The following TAFA1 variants were observed in gnomAD, a reference collection of about 807,000 sequenced individuals.
TAFA1 encodes TAFA chemokine like family member 1, also known as chemokine-like protein TAFA-1.
In TAFA1, 4 loss-of-function variants were observed where a neutral mutation model predicts 18.5. The ratio of observed to expected loss-of-function variants is 0.22; its 90% CI spans 0.11 to 0.49. The LOEUF is 0.49. TAFA1 is among the 20% of genes least tolerant of loss of function. The pLI is 0.98. For missense variants in TAFA1, 147 were observed against 169.0 expected, an observed-to-expected ratio of 0.87 and a Z score of 0.72; for synonymous variants, 56 against 55.2, an observed-to-expected ratio of 1.01 and a Z score of -0.06.
At chr3:68,105,320 G>C (rs1476633068) in intron 2 of TAFA1, among the ~76,000 whole-genome samples, 1 of 152,120 alleles carries the variant, frequency 6.6e-6, no homozygotes, top group Non-Finnish European at 1.5e-5. Flanking sequence ...TAGTACCATA[G>C]AGTCCCCTAA....
At chr3:68,357,534 C>T (rs897861561) in intron 2 of TAFA1, among the ~76,000 whole-genome samples, 1 of 151,832 alleles carries the variant, frequency 6.6e-6, no homozygotes, top group Non-Finnish European at 1.5e-5. Flanking sequence ...AGGCCATTTC[C>T]ACCCCTTCTA....
chr3:68,324,690 C>T (rs1174417993), intron 2 of TAFA1, among the ~76,000 whole-genome samples: 25 of 152,148 alleles, frequency 1.6e-4, no homozygotes, highest in Non-Finnish European at 2.9e-5. Context: ...AAGAATTAAA[C>T]CTAAATCATG....
chr3:68,229,059 C>A (rs545859402), intron 2 of TAFA1, among the ~76,000 whole-genome samples: 1 of 152,156 alleles, frequency 6.6e-6, no homozygotes, highest in Non-Finnish European at 1.5e-5. Flanking sequence ...GCATCTGGCT[C>A]GACTTTTAAA....
intron 4 of TAFA1, among the ~76,000 whole-genome samples, chr3:68,542,100 G>T (rs963865141): frequency 1.3e-5 from 2 of 152,100 alleles, no homozygotes; most frequent in African/African-American, 2.4e-5. Context: ...GTGGAATTAG[G>T]CAAAGCCTTT....
At chr3:68,471,316 G>A (rs1472873406) in intron 3 of TAFA1, among the ~76,000 whole-genome samples, 1 of 152,192 alleles carries the variant, frequency 6.6e-6, no homozygotes, top group Non-Finnish European at 1.5e-5. Flanking sequence ...TCCCCACTGG[G>A]GTACTGCCTA....
chr3:68,304,782 G>C (rs73836861), intron 2 of TAFA1, among the ~76,000 whole-genome samples: 1 of 152,174 alleles, frequency 6.6e-6, no homozygotes, highest in African/African-American at 2.4e-5. Context: ...CAGTTGGTAA[G>C]AGGAAGTAAA....
chr3:68,321,204 G>A (rs1380470091), intron 2 of TAFA1, among the ~76,000 whole-genome samples: 2 of 152,124 alleles, frequency 1.3e-5, no homozygotes, highest in Non-Finnish European at 2.9e-5. Flanking sequence ...ATATACAAAA[G>A]CAATGAGAGC....
At chr3:68,282,114 G>A (rs1030755755) in intron 2 of TAFA1, among the ~76,000 whole-genome samples, 15 of 152,282 alleles carry the variant, frequency 9.9e-5, no homozygotes, top group Admixed American at 3.3e-4. Context: ...CAGATCTCAT[G>A]AGAATTCACT....
intron 2 of TAFA1, among the ~76,000 whole-genome samples, chr3:68,343,368 A>G (rs1028418595): frequency 2.0e-5 from 3 of 152,198 alleles, no homozygotes; most frequent in Non-Finnish European, 4.4e-5. Context: ...AAAAGAGAAT[A>G]ATATGTGATT....
chr3:68,248,040 C>A (rs774757785), intron 2 of TAFA1, among the ~76,000 whole-genome samples: 20 of 152,128 alleles, frequency 1.3e-4, no homozygotes, highest in Non-Finnish European at 1.8e-4. Flanking sequence ...TAGGTGTGAC[C>A]TCACTTAGAG....
chr3:68,211,515 G>A (rs1388263465), intron 2 of TAFA1, among the ~76,000 whole-genome samples: 1 of 152,070 alleles, frequency 6.6e-6, no homozygotes, highest in Admixed American at 6.6e-5. Flanking sequence ...TGGTGATTGA[G>A]ATAGACAGAA....
rs560161804 is a variant in TAFA1 at position 68,025,960 on chromosome 3, G to A, written c.118+19216G>A. On this transcript the variant is annotated intron_variant, in intron 2 of 4. Transcript: ENST00000478136. The stretch of plus-strand genomic sequence containing the variant: ...GGAATGTAAGTTCCACGAAGGCAGG[G>A]ATTGTCATCAGTTTTGATCCCTGTT... Among the ~76,000 whole-genome samples, 23 of 152,236 alleles carry A rather than the reference G, an allele frequency of 1.5e-4. 1 individual carries two copies. In the South Asian group the frequency reaches 2.7e-3, roughly 18 times the overall value.
At chr3:68,285,013 A>C (rs530681770) in intron 2 of TAFA1, among the ~76,000 whole-genome samples, 4 of 152,266 alleles carry the variant, frequency 2.6e-5, no homozygotes, top group Middle Eastern at 3.4e-3. Flanking sequence ...ACTTGAGCCC[A>C]GGAGTTAGAG....
chr3:68,074,719 T>G (rs570425273), intron 2 of TAFA1, among the ~76,000 whole-genome samples: 2 of 152,282 alleles, frequency 1.3e-5, no homozygotes, highest in South Asian at 4.1e-4. Flanking sequence ...AGAGCTGAAA[T>G]TCATATCAGG....
At chr3:68,109,921 T>A (rs2065244939) in intron 2 of TAFA1, among the ~76,000 whole-genome samples, 1 of 152,210 alleles carries the variant, frequency 6.6e-6, no homozygotes, top group Non-Finnish European at 1.5e-5. Flanking sequence ...CAGAGCCTCA[T>A]AATATGATTC....
rs1001822371 is a variant in TAFA1 at position 68,381,967 on chromosome 3, CT to C, written c.119-35308del. On this transcript the variant is annotated intron_variant, in intron 2 of 4. Coordinates refer to ENST00000478136, the MANE Select transcript of TAFA1 (RefSeq NM_213609.4). ...CCCATCAATACCTAATTTATTGAGACTTTTTAGCATGAAGGGTTGTTGACTT... is the reference window on the plus strand; with the variant it reads ...CCCATCAATACCTAATTTATTGAGACTTTTAGCATGAAGGGTTGTTGACTT... Among the ~76,000 whole-genome samples the C allele has an allele frequency of 2.6e-5, 4 of 152,214 alleles. No homozygotes were observed. The East Asian group carries it at 7.7e-4, about 29-fold the overall frequency.
intron 3 of TAFA1, among the ~76,000 whole-genome samples, chr3:68,471,302 A>G (rs2071993162): frequency 1.3e-5 from 2 of 152,206 alleles, no homozygotes; most frequent in African/African-American, 4.8e-5. Context: ...GCCCCCACAC[A>G]GAGTCCCCAC....
intron 2 of TAFA1, among the ~76,000 whole-genome samples, chr3:68,350,273 A>G (rs1269908970): frequency 6.6e-6 from 1 of 152,166 alleles, no homozygotes. Flanking sequence ...AAATCCAAAG[A>G]AAAGCAAAAT....
intron 2 of TAFA1, among the ~76,000 whole-genome samples, chr3:68,214,238 C>T (rs1297036390): frequency 1.3e-5 from 2 of 152,170 alleles, no homozygotes; most frequent in African/African-American, 2.4e-5. Flanking sequence ...TTCTAGTTAT[C>T]ATAGAATTCA....
Sources: gnomAD v4.1 joint callset for allele counts (sites outside exome capture counted in the v4.1 genomes callset) on GRCh38, gnomAD v4.1.1 for gene constraint, MANE v1.5 for transcripts, NCBI Gene and HGNC (gene_info 2026-07-23, HGNC 2026-07-21) for gene names.